The following NFASC variants were observed in gnomAD, a reference collection of about 807,000 sequenced individuals.
The protein encoded by NFASC is neurofascin.
Under a neutral mutation model 147.5 loss-of-function variants are expected in NFASC, and 43 were observed. The ratio of observed to expected loss-of-function variants is 0.29; its 90% CI spans 0.23 to 0.38. The LOEUF is 0.38. Ranked by LOEUF, NFASC falls within the 10% of genes least tolerant of loss-of-function variation. The pLI is 1.00. For synonymous variants in NFASC, 622 were observed against 665.5 expected (o/e 0.93, Z 1.01); for missense variants, 1,320 against 1,689.0 (o/e 0.78, Z 3.83).
In NFASC at chr1:205,016,566, C is replaced by G; in HGVS notation, c.*27C>G. The G allele has an allele frequency of 6.4e-7, 1 of 1,551,458 alleles. No individual in the cohort carries two copies. The highest frequency in any genetic ancestry group is 1.1e-5 in the South Asian group (1 of 89,774). On this transcript the variant is annotated 3_prime_UTR_variant, in exon 30 of 30. Transcript: ENST00000339876. This position sits in a 1 kb window ranked among gnomAD's most constrained non-coding sequence, Gnocchi z 5.1. ...GGAGCCCACCCAGGCACAGCCACCA[C>G]TTTGCAAGTGGGAGGAGGGGAGAAG...
intron 1 of NFASC, among the ~76,000 whole-genome samples, chr1:204,855,211 C>T (rs1230835510): frequency 6.6e-6 from 1 of 152,208 alleles, no homozygotes; most frequent in African/African-American, 2.4e-5. Context: ...GACTTAGCCT[C>T]TTACCTCAAG....
At chr1:204,896,080 AGAT>A (rs2083328322) in intron 1 of NFASC, among the ~76,000 whole-genome samples, 1 of 152,236 alleles carries the variant, frequency 6.6e-6, no homozygotes, top group African/African-American at 2.4e-5. Context: ...GGCCTGGAAG[AGAT>A]GGCATGGAGA....
chr1:204,897,733 T>C (rs927700038), intron 1 of NFASC, among the ~76,000 whole-genome samples: 8 of 146,110 alleles, frequency 5.5e-5, no homozygotes, highest in African/African-American at 1.8e-4. Flanking sequence ...GCCACCATGC[T>C]CAGCTAATTT....
chr1:204,833,312 C>T (rs1672767733), intron 1 of NFASC, among the ~76,000 whole-genome samples: 1 of 152,190 alleles, frequency 6.6e-6, no homozygotes, highest in South Asian at 2.1e-4. Context: ...GCTGGTTTTA[C>T]AGAAAATGAC....
rs72753433 is a variant in NFASC, at chr1:204,986,362, C to T, written c.2471-1056C>T. The stretch of plus-strand genomic sequence containing the variant: ...TGAGGTCTGCTGACATAATTCCAGA[C>T]GGGTTATGCAGACTGATCCCCGAGG... On this transcript the variant is annotated intron_variant, in intron 21 of 29. Transcript: ENST00000339876. The surrounding 1 kb of genome is among the most constrained non-coding windows in gnomAD (Gnocchi z 4.2). Among the ~76,000 whole-genome samples, 3,147 of 152,324 alleles carry T rather than the reference C, an allele frequency of 0.021. 62 individuals are homozygous for T. Among genetic ancestry groups the T allele is most frequent in the Middle Eastern group, 0.088 (26 of 294 alleles).
rs113556604 is a variant in NFASC, at chr1:204,947,010, G to C, written c.91+2604G>C. ...GGGCACCTGTCTCATAAGGTTGACT[G>C]GAAGTACCAGGCAGTGATAGCCACC... On this transcript the variant is annotated intron_variant, in intron 3 of 29. Coordinates refer to ENST00000339876, the MANE Select transcript of NFASC (RefSeq NM_001005388.3). The C allele has an allele frequency of 2.4e-3, 835 of 352,948 alleles. 10 individuals are homozygous for C. Among genetic ancestry groups the C allele is most frequent in the African/African-American group, 0.016 (768 of 46,780 alleles). 21.9% of individuals were successfully genotyped at this position (352,948 alleles called of 1,614,324 possible).
intron 10 of NFASC, 118 bp downstream of exon 10, chr1:204,969,100 C>A: frequency 1.1e-6 from 1 of 889,186 alleles, no homozygotes; most frequent in Non-Finnish European, 1.7e-6. Context: ...GCCCACTGCT[C>A]AGTGGCAATG....
intron 28 of NFASC, among the ~76,000 whole-genome samples, chr1:205,011,482 G>A (rs1056298992): frequency 6.6e-5 from 10 of 152,176 alleles, no homozygotes; most frequent in African/African-American, 1.9e-4. Context: ...CTGAGTTCAC[G>A]CCCATTCCAG....
chr1:204,937,111 A>T (rs1033818283), intron 2 of NFASC, among the ~76,000 whole-genome samples: 1 of 151,882 alleles, frequency 6.6e-6, no homozygotes, highest in Non-Finnish European at 1.5e-5. Context: ...CACTCGCTTC[A>T]CTTTATTACA....
chr1:205,011,177 C>T (rs1344473694), intron 28 of NFASC, among the ~76,000 whole-genome samples: 1 of 151,354 alleles, frequency 6.6e-6, no homozygotes. Flanking sequence ...CTTCCTTCTC[C>T]CCATCTCTTA....
At chr1:204,843,649 TCC>T (rs1676107387) in intron 1 of NFASC, among the ~76,000 whole-genome samples, 2 of 96,222 alleles carry the variant, frequency 2.1e-5, no homozygotes, top group African/African-American at 8.1e-5. Context: ...CCTCCCTCCC[TCC>T]CTCCCTTCCT....
intron 1 of NFASC, among the ~76,000 whole-genome samples, chr1:204,906,519 G>T (rs903346665): frequency 6.6e-6 from 1 of 152,166 alleles, no homozygotes; most frequent in East Asian, 1.9e-4. Flanking sequence ...CTCGCTGCGT[G>T]TATCAGTAGA....
chr1:204,943,675 T>C (rs1389507208), intron 2 of NFASC, among the ~76,000 whole-genome samples: 1 of 152,174 alleles, frequency 6.6e-6, no homozygotes, highest in South Asian at 2.1e-4. Flanking sequence ...CGTCCTGGGA[T>C]CAAAGGACAT....
intron 2 of NFASC, among the ~76,000 whole-genome samples, chr1:204,942,707 T>C (rs562725280): frequency 3.9e-5 from 6 of 152,166 alleles, no homozygotes; most frequent in Non-Finnish European, 8.8e-5. Flanking sequence ...GCAGTAACTC[T>C]GGCATGAAAT....
chr1:204,915,743 G>A (rs10900433), intron 1 of NFASC, among the ~76,000 whole-genome samples: 32,478 of 152,124 alleles, frequency 0.21, 3,893 homozygotes, highest in East Asian at 0.43. Context: ...CATGAACCAC[G>A]AGTCAGGAGA....
chr1:205,009,798 C>A (rs1360589525), intron 28 of NFASC, 110 bp downstream of exon 28: 1 of 1,174,474 alleles, frequency 8.5e-7, no homozygotes. Flanking sequence ...TGAAGCCAGC[C>A]CTTGCCCGGA....
At chr1:204,973,172 C>T in intron 11 of NFASC, 104 bp from the exon 12 acceptor site, 3 of 1,267,018 alleles carry the variant, frequency 2.4e-6, no homozygotes, top group Non-Finnish European at 3.4e-6. Flanking sequence ...TCTGGTGCTC[C>T]CCACAGCACC....
rs1026082739 is a variant in NFASC at position 205,018,435 on chromosome 1, C to A, written c.*1896C>A. 1 of 152,722 alleles carries A rather than the reference C, an allele frequency of 6.5e-6. No individual in the cohort carries two copies. Among genetic ancestry groups the A allele is most frequent in the Non-Finnish European group, 1.5e-5 (1 of 68,062 alleles). The allele number at this position is 152,722 out of a possible 1,614,324, so 9.5% of individuals were successfully genotyped here. ...TGAAGGTCAAGCCCATAGACACACACTCTCTGCTGGTAAGAAACCATAGCC... is the reference window on the plus strand; with the variant it reads ...TGAAGGTCAAGCCCATAGACACACAATCTCTGCTGGTAAGAAACCATAGCC... On this transcript the variant is annotated 3_prime_UTR_variant, in exon 30 of 30. Coordinates refer to ENST00000339876, the MANE Select transcript of NFASC (RefSeq NM_001005388.3).
At chr1:204,955,447 C>G (rs1245802168) in intron 7 of NFASC, among the ~76,000 whole-genome samples, 3 of 152,068 alleles carry the variant, frequency 2.0e-5, no homozygotes, top group Non-Finnish European at 4.4e-5. Flanking sequence ...ATTGGCCGGT[C>G]TGGATTTATT....
Sources: allele counts gnomAD v4.1 joint callset (sites outside exome capture counted in the v4.1 genomes callset), GRCh38; gene constraint gnomAD v4.1.1; non-coding constraint Gnocchi (gnomAD v3.1); transcripts MANE v1.5; gene names NCBI Gene and HGNC (gene_info 2026-07-23, HGNC 2026-07-21).